The following HSF4 variants were observed in gnomAD, a reference collection of about 807,000 sequenced individuals.
The protein encoded by HSF4 is heat shock transcription factor 4.
HSF4 carries 41 observed loss-of-function variants against 52.0 expected under a neutral mutation model. The ratio of observed to expected loss-of-function variants is 0.79; its 90% CI spans 0.61 to 1.02. The LOEUF (loss-of-function observed/expected upper bound fraction) is 1.02, where lower values mean the gene tolerates loss of function less well. Among genes scored for constraint, HSF4 ranks in the 50% least tolerant of loss-of-function variants. The pLI is 0.00. For missense variants in HSF4, 610 were observed against 651.1 expected, an observed-to-expected ratio of 0.94 and a Z score of 0.69; for synonymous variants, 285 against 273.0, an observed-to-expected ratio of 1.04 and a Z score of -0.43.
rs2031372850 is a variant in HSF4 at position 67,167,242 on chromosome 16, C to T, written c.729+20C>T. 6.2e-7 allele frequency: 1 copy of T among 1,613,940 alleles called. No homozygotes were observed. The highest frequency in any genetic ancestry group is 1.3e-5 in the African/African-American group (1 of 74,930). On this transcript the variant is annotated intron_variant, in intron 7 of 12. Coordinates refer to ENST00000521374, the MANE Select transcript of HSF4 (RefSeq NM_001374675.1). ...CAGTCGGTAGGTTTGTCTTCTTCCCCCTTCCCAAGGGCATGGCTGGGCTTA... is the reference window on the plus strand; with the variant it reads ...CAGTCGGTAGGTTTGTCTTCTTCCCTCTTCCCAAGGGCATGGCTGGGCTTA...
chr16:67,166,732 T>TC (rs777542016), intron 6 of HSF4, 110 bp downstream of exon 6: 136 of 1,013,210 alleles, frequency 1.3e-4, no homozygotes, highest in Non-Finnish European at 1.9e-4. Flanking sequence ...TCCTCATTCC[T>TC]CCCCCTGCGC....
At chr16:67,166,444 C>T (rs1365674081) in intron 5 of HSF4, 49 bp downstream of exon 5, 8 of 1,588,974 alleles carry the variant, frequency 5.0e-6, no homozygotes, top group Non-Finnish European at 6.0e-6. Flanking sequence ...CTCGACACCC[C>T]ATTCCACCGC....
rs181687812 is a variant in HSF4, at chr16:67,168,369, G to C, written c.1082+422G>C. 2.8e-3 allele frequency among the ~76,000 whole-genome samples: 425 copies of C among 152,276 alleles called. 2 individuals are homozygous for C. Among genetic ancestry groups the C allele is most frequent in the African/African-American group, 9.8e-3 (405 of 41,534 alleles). On this transcript the variant is annotated intron_variant, in intron 9 of 12. Transcript: ENST00000521374. ...TTTGCCTGTAGTCCCAGCTACTCAG[G>C]AGGCTGAGGCAGGACAGTCGCTTGA...
chr16:67,165,541 T>G lies in HSF4; in HGVS notation c.143T>G (p.Val48Gly), dbSNP rs200785680. The change falls in exon 2 of 13, where the codon GTA becomes GGA. Residue 48 changes from valine (V) to glycine (G), a missense_variant. Transcript: ENST00000521374. This position sits in a 1 kb window ranked among gnomAD's most constrained non-coding sequence, Gnocchi z 6.9. ...TGGTAGAGCGGGACCAGTTTCCTCG[T>G]AAGCGACCAGAGCCGTTTCGCCAAG... ...RWSPSGTSFL[V>G]SDQSRFAKEV... The G allele has an allele frequency of 6.2e-7, 1 of 1,613,136 alleles. No homozygotes were observed. Among genetic ancestry groups the G allele is most frequent in the African/African-American group, 1.3e-5 (1 of 75,036 alleles).
In HSF4 at chr16:67,169,562, A is replaced by G. The variant is rs1466008983; in HGVS notation, c.1325-69A>G. 11 of 1,599,062 alleles carry G rather than the reference A, an allele frequency of 6.9e-6. No individual in the cohort carries two copies. The East Asian group carries it at 2.5e-4, about 36-fold the overall frequency. ...CTAACTGAGCAGAAGGCAGGCGGGC[A>G]GGGCTCTCCTTCCCTGAAGAAAGGA... is the stretch of plus-strand genomic sequence containing the variant. On this transcript the variant is annotated intron_variant, in intron 12 of 12. Coordinates refer to ENST00000521374, the MANE Select transcript of HSF4 (RefSeq NM_001374675.1). This position sits in a 1 kb window ranked among gnomAD's most constrained non-coding sequence, Gnocchi z 4.3.
intron 9 of HSF4, 109 bp downstream of exon 9, chr16:67,168,056 C>G: frequency 2.1e-6 from 2 of 947,030 alleles, no homozygotes; most frequent in South Asian, 2.8e-5. Flanking sequence ...TTTCTTGGCC[C>G]CAGCATCAGA....
chr16:67,169,814 C>G lies in HSF4; in HGVS notation c.*29C>G. ...CCCGCGCCTCTGAAGGGGCTTGGAA[C>G]CAGTCCGCCGCTGCACATCCTTCTT... is the stretch of plus-strand genomic sequence containing the variant. On this transcript the variant is annotated 3_prime_UTR_variant, in exon 13 of 13. Coordinates refer to ENST00000521374, the MANE Select transcript of HSF4 (RefSeq NM_001374675.1). This position sits in a 1 kb window ranked among gnomAD's most constrained non-coding sequence, Gnocchi z 4.3. 2 of 1,612,726 alleles carry G rather than the reference C, an allele frequency of 1.2e-6. No homozygotes were observed. The highest frequency in any genetic ancestry group is 1.7e-6 in the Non-Finnish European group (2 of 1,179,792).
rs755711593 is a variant in HSF4 at position 67,169,124 on chromosome 16, C to G, written c.1254+23C>G. On this transcript the variant is annotated intron_variant, in intron 11 of 12. Coordinates refer to ENST00000521374, the MANE Select transcript of HSF4 (RefSeq NM_001374675.1). The surrounding 1 kb of genome is among the most constrained non-coding windows in gnomAD (Gnocchi z 4.3). ...TTGGTAAGAAGTGGGTCGGGGAGGG[C>G]AGAGGCCAGGGGTGGCTGAGTCAAG... 6.2e-7 allele frequency: 1 copy of G among 1,610,570 alleles called. No individual in the cohort carries two copies. The highest frequency in any genetic ancestry group is 1.7e-4 in the Middle Eastern group (1 of 6,060).
At chr16:67,166,143 A>C in intron 4 of HSF4, 73 bp downstream of exon 4, 1 of 1,464,522 alleles carries the variant, frequency 6.8e-7, no homozygotes, top group Non-Finnish European at 9.2e-7. Context: ...GCCGGCCAGC[A>C]GTTCTGGGCA....
chr16:67,167,428 T>G (rs961880767), intron 7 of HSF4, 47 bp from the exon 8 acceptor site: 6 of 1,613,468 alleles, frequency 3.7e-6, no homozygotes, highest in Non-Finnish European at 2.5e-6. Context: ...GTTCTGGCTC[T>G]CCCTGTGCCT....
Position 67,166,641 on chromosome 16 carries a change from A to G in HSF4, c.626+19A>G. On this transcript the variant is annotated intron_variant, in intron 6 of 12. Transcript: ENST00000521374. The stretch of plus-strand genomic sequence containing the variant: ...GAAAGCTGTGAGTGAGAAAGCCAAG[A>G]AGGCCCACACCCACTTCCAAGACCC... 1.2e-6 allele frequency: 2 copies of G among 1,612,150 alleles called. No individual in the cohort carries two copies. The highest frequency in any genetic ancestry group is 1.1e-5 in the South Asian group (1 of 91,036).
chr16:67,163,763 C>T, upstream of HSF4: 1 of 1,585,674 alleles, frequency 6.3e-7, no homozygotes, highest in Middle Eastern at 1.7e-4. Flanking sequence ...GCCTGCGCAC[C>T]TATACCCTCA....
upstream of HSF4, chr16:67,164,027 C>T (rs957377731): frequency 7.6e-5 from 57 of 747,230 alleles, no homozygotes; most frequent in East Asian, 1.9e-4. Flanking sequence ...AGACGCCCCA[C>T]CCGCTCGGTC....
upstream of HSF4, chr16:67,163,852 C>A (rs376436717): frequency 1.3e-5 from 19 of 1,513,674 alleles, no homozygotes; most frequent in African/African-American, 2.4e-4. Flanking sequence ...TCCCCGTGGA[C>A]GTAAGCGCTC....
At chr16:67,168,995 G>T (rs1274456163) in intron 10 of HSF4, 41 bp from the exon 11 acceptor site, 1 of 1,613,728 alleles carries the variant, frequency 6.2e-7, no homozygotes, top group South Asian at 1.1e-5. Context: ...AGCTCTCTGT[G>T]GAGCCTGGGG....
At chr16:67,167,367 T>C in intron 7 of HSF4, 108 bp from the exon 8 acceptor site, 1 of 1,610,868 alleles carries the variant, frequency 6.2e-7, no homozygotes, top group Non-Finnish European at 8.5e-7. Context: ...GGACTGAGCC[T>C]CCTCCCTCAA....
At chr16:67,163,963 G>A, upstream of HSF4, 2 of 1,293,788 alleles carry the variant, frequency 1.5e-6, no homozygotes, top group Non-Finnish European at 2.1e-6. Context: ...AACTGTGATG[G>A]CATCGGGACC....
chr16:67,164,664 C>T, upstream of HSF4: 1 of 954,258 alleles, frequency 1.0e-6, no homozygotes, highest in Non-Finnish European at 1.5e-6. Context: ...TGTCCGAGCC[C>T]CGCCCCGCGG....
In HSF4 at chr16:67,166,326, C is replaced by G. The variant is rs769646890; in HGVS notation, c.492C>G (p.Asn164Lys). ...CCTCCCACCCCTTCCTCAGGCAGAA[C>G]GAGATCTTGTGGCGGGAGGTGGTGA... ...EARLRELRQQ[N>K]EILWREVVTL... The change falls in exon 5 of 13, where the codon AAC (asparagine) becomes AAG (lysine). Residue 164 changes from asparagine to lysine, a missense_variant. Asn to Lys is a moderately conservative substitution (Grantham distance 94). Transcript: ENST00000521374. 2 of 1,612,746 alleles carry G rather than the reference C, an allele frequency of 1.2e-6. No individual in the cohort carries two copies. Among genetic ancestry groups the G allele is most frequent in the African/African-American group, 2.7e-5 (2 of 74,970 alleles).
Sources: allele counts gnomAD v4.1 joint callset (sites outside exome capture counted in the v4.1 genomes callset), GRCh38; gene constraint gnomAD v4.1.1; non-coding constraint Gnocchi (gnomAD v3.1); transcripts MANE v1.5; gene names NCBI Gene and HGNC (gene_info 2026-07-23, HGNC 2026-07-21).